DSCAM: variants seen among roughly 807,000 people sequenced by gnomAD.
DSCAM encodes the protein cell adhesion molecule DSCAM.
DSCAM carries 47 observed loss-of-function variants against 217.7 expected under a neutral mutation model. The ratio of observed to expected loss-of-function variants is 0.22; its 90% CI spans 0.17 to 0.28. The LOEUF is 0.28. DSCAM is among the 10% of genes least tolerant of loss of function. DSCAM has a pLI of 1.00. For synonymous variants in DSCAM, 1,056 were observed against 1,015.3 expected, an observed-to-expected ratio of 1.04 and a Z score of -0.76; for missense variants, 2,080 against 2,618.3, an observed-to-expected ratio of 0.79 and a Z score of 4.49.
intron 1 of DSCAM, among the ~76,000 whole-genome samples, chr21:40,755,237 G>A (rs558670088): frequency 6.6e-6 from 1 of 152,226 alleles, no homozygotes; most frequent in South Asian, 2.1e-4. Flanking sequence ...CATGAGGTCA[G>A]GAGTTCAAGG....
At chr21:40,324,127 A>AAAG (rs2074291804) in intron 8 of DSCAM, among the ~76,000 whole-genome samples, 1 of 129,072 alleles carries the variant, frequency 7.7e-6, no homozygotes, top group South Asian at 2.3e-4. Context: ...AAAAAAAAAA[A>AAAG]AAAAGAAAAA....
chr21:40,013,107 T>C lies in DSCAM; in HGVS notation c.5966A>G (p.Gln1989Arg), dbSNP rs1270680442. Residue 1989 changes from glutamine (Q) to arginine (R), a missense_variant, in exon 33 of 33, where the codon CAA (glutamine) becomes CGA (arginine). Physicochemically the swap from Gln to Arg is conservative, Grantham distance 43. Coordinates refer to ENST00000400454, the MANE Select transcript of DSCAM (RefSeq NM_001389.5). ...GCCCCGGGAGTCGAGCAGTGATTCT[T>C]GGGAGCTGCTCATTTTAGCTGCCTG... is the stretch of plus-strand genomic sequence containing the variant. Reference protein sequence around the residue: ...LGQAAKMSSSQESLLDSRGHL... With the variant: ...LGQAAKMSSSRESLLDSRGHL... 4 of 1,605,892 alleles carry C rather than the reference T, an allele frequency of 2.5e-6. No individual in the cohort carries two copies. In the Admixed American group the frequency reaches 6.7e-5, roughly 27 times the overall value.
At chr21:40,087,035 A>G (rs562267342) in intron 22 of DSCAM, 135 bp downstream of exon 22, 3 of 680,928 alleles carry the variant, frequency 4.4e-6, no homozygotes, top group South Asian at 3.6e-5. Context: ...CTCATCTCAG[A>G]AGAATTGGTA....
chr21:40,403,990 T>C lies in DSCAM; in HGVS notation c.509-34745A>G, dbSNP rs568824069. On this transcript the variant is annotated intron_variant, in intron 3 of 32. Transcript: ENST00000400454. ...AACTTACTGAACTACCTGTTCAGCA[T>C]TGTGCCAAGAAACTGACATAGATTA... Among the ~76,000 whole-genome samples the C allele has an allele frequency of 9.2e-5, 14 of 152,334 alleles. No homozygotes were observed. In the South Asian group the frequency reaches 1.9e-3, roughly 20 times the overall value.
chr21:40,230,936 C>A lies in DSCAM; in HGVS notation c.2357-41698G>T, dbSNP rs145392996. Among the ~76,000 whole-genome samples the A allele has an allele frequency of 1.2e-4, 19 of 152,106 alleles. No homozygotes were observed. The East Asian group carries it at 2.3e-3, about 19-fold the overall frequency. On this transcript the variant is annotated intron_variant, in intron 11 of 32. Transcript: ENST00000400454. ...TACACAGATGTCCCCACAACCCCCACCCGGCATCCCTGCTCTGTTCTCTGG... is the reference window on the plus strand; with the variant it reads ...TACACAGATGTCCCCACAACCCCCAACCGGCATCCCTGCTCTGTTCTCTGG...
chr21:40,495,192 T>A (rs2146021474), intron 3 of DSCAM, among the ~76,000 whole-genome samples: 1 of 152,282 alleles, frequency 6.6e-6, no homozygotes, highest in East Asian at 1.9e-4. Context: ...CAAATTATTT[T>A]AAAAAGTCTA....
At chr21:40,353,357 G>A in intron 5 of DSCAM, 108 bp downstream of exon 5, 1 of 1,458,740 alleles carries the variant, frequency 6.9e-7, no homozygotes, top group Non-Finnish European at 9.3e-7. Context: ...CAGCTGGACT[G>A]TTTTGGGAGT....
intron 10 of DSCAM, among the ~76,000 whole-genome samples, chr21:40,289,855 A>G (rs746234562): frequency 1.3e-5 from 2 of 152,182 alleles, no homozygotes; most frequent in Non-Finnish European, 2.9e-5. Flanking sequence ...ACAGAACAAG[A>G]AACCAGGTAT....
chr21:40,238,097 T>C (rs995380802), intron 11 of DSCAM, among the ~76,000 whole-genome samples: 14 of 151,878 alleles, frequency 9.2e-5, no homozygotes, highest in Non-Finnish European at 2.9e-5. Context: ...TGGGAGGAAA[T>C]GAAGGAAAGA....
chr21:40,692,318 A>G (rs2090546954), intron 3 of DSCAM, among the ~76,000 whole-genome samples: 1 of 152,268 alleles, frequency 6.6e-6, no homozygotes, highest in Non-Finnish European at 1.5e-5. Context: ...ATGCAAATAT[A>G]CATTTCATTG....
chr21:40,117,816 A>G (rs1205815431), intron 20 of DSCAM, among the ~76,000 whole-genome samples: 2 of 152,190 alleles, frequency 1.3e-5, no homozygotes, highest in African/African-American at 4.8e-5. Context: ...AGCTTTTGGC[A>G]CTCGGTGCCT....
chr21:40,496,354 A>C (rs1303667988), intron 3 of DSCAM, among the ~76,000 whole-genome samples: 2 of 152,274 alleles, frequency 1.3e-5, no homozygotes, highest in East Asian at 3.9e-4. Flanking sequence ...CAGAATAAAG[A>C]GCCCAGAAAC....
At chr21:40,383,438 A>G (rs2075047855) in intron 3 of DSCAM, 1 of 152,266 alleles carries the variant, frequency 6.6e-6, no homozygotes, top group South Asian at 2.1e-4. Flanking sequence ...CTATAGAGAA[A>G]TGATATCCGG....
chr21:40,807,552 G>A (rs1485220401), intron 1 of DSCAM, among the ~76,000 whole-genome samples: 1 of 152,172 alleles, frequency 6.6e-6, no homozygotes, highest in Non-Finnish European at 1.5e-5. Flanking sequence ...GTTCCCTCCT[G>A]ATCAGTGAGT....
At position 40,011,464 on chromosome 21, in the gene DSCAM, C is replaced by T. The variant is rs2088055054; in HGVS notation, c.*1570G>A. 6.6e-6 allele frequency: 1 copy of T among 152,244 alleles called. No individual in the cohort carries two copies. Among genetic ancestry groups the T allele is most frequent in the Admixed American group, 6.5e-5 (1 of 15,272 alleles). 9.4% of individuals were successfully genotyped at this position (152,244 alleles called of 1,614,324 possible). On this transcript the variant is annotated 3_prime_UTR_variant, in exon 33 of 33. Coordinates refer to ENST00000400454, the MANE Select transcript of DSCAM (RefSeq NM_001389.5). ...TTAATGGAAGCCTGTAGAGAATCTT[C>T]AGCCTGGGAGACTGAGCAGCTGTGG...
intron 27 of DSCAM, 93 bp downstream of exon 27, chr21:40,074,944 C>T (rs149727484): frequency 2.2e-6 from 3 of 1,365,700 alleles, no homozygotes; most frequent in Admixed American, 2.3e-5. Flanking sequence ...AAGAGTCACT[C>T]CCTTTTGAGG....
chr21:40,672,353 C>T (rs191729496), intron 3 of DSCAM, among the ~76,000 whole-genome samples: 5 of 152,146 alleles, frequency 3.3e-5, no homozygotes, highest in South Asian at 2.1e-4. Context: ...CTGCTATATC[C>T]GGAGTTGGAA....
chr21:40,374,794 G>A (rs556503092), intron 3 of DSCAM, among the ~76,000 whole-genome samples: 9 of 152,276 alleles, frequency 5.9e-5, no homozygotes, highest in South Asian at 2.1e-4. Flanking sequence ...GTGAGAAGGC[G>A]GCTGTCTGCA....
At chr21:40,674,626 CTTTT>C (rs869239926) in intron 3 of DSCAM, among the ~76,000 whole-genome samples, 1 of 105,900 alleles carries the variant, frequency 9.4e-6, no homozygotes, top group African/African-American at 3.8e-5. Flanking sequence ...TTTTCTTTTT[CTTTT>C]TCTTTTTTTT....
Sources: gnomAD v4.1 joint callset for allele counts (sites outside exome capture counted in the v4.1 genomes callset) on GRCh38, gnomAD v4.1.1 for gene constraint, MANE v1.5 for transcripts, NCBI Gene and HGNC (gene_info 2026-07-23, HGNC 2026-07-21) for gene names.